The following CEP112 variants were observed in gnomAD, a reference collection of about 807,000 sequenced individuals.
The protein encoded by CEP112 is centrosomal protein of 112 kDa.
Under a neutral mutation model 153.0 loss-of-function variants are expected in CEP112, and 127 were observed. The observed-to-expected ratio is 0.83, with a 90% CI of 0.72 to 0.96. CEP112 has a LOEUF of 0.96. Among genes scored for constraint, CEP112 ranks in the 40% least tolerant of loss-of-function variants. The pLI, the probability that CEP112 is intolerant of heterozygous loss-of-function variation, is 0.00. For synonymous variants in CEP112, 358 were observed against 374.4 expected, an observed-to-expected ratio of 0.96 and a Z score of 0.51; for missense variants, 1,089 against 1,101.2, an observed-to-expected ratio of 0.99 and a Z score of 0.16.
At chr17:66,156,318 A>G (rs1426425084) in intron 4 of CEP112, among the ~76,000 whole-genome samples, 1 of 152,200 alleles carries the variant, frequency 6.6e-6, no homozygotes, top group Admixed American at 6.5e-5. Context: ...ACTAACAAAT[A>G]GAAAGGAATA....
At chr17:65,948,772 A>C (rs1267205011) in intron 18 of CEP112, among the ~76,000 whole-genome samples, 1 of 151,952 alleles carries the variant, frequency 6.6e-6, no homozygotes, top group Non-Finnish European at 1.5e-5. Context: ...AGTGTGCAGC[A>C]ATTTTTTAAA....
chr17:66,028,257 G>T, intron 15 of CEP112, 56 bp downstream of exon 15: 1 of 1,093,950 alleles, frequency 9.1e-7, no homozygotes, highest in Admixed American at 1.9e-5. Context: ...TGATACATCT[G>T]AATCAAGAAA....
chr17:66,130,938 A>T (rs1294022086), intron 5 of CEP112, among the ~76,000 whole-genome samples: 1 of 152,182 alleles, frequency 6.6e-6, no homozygotes, highest in African/African-American at 2.4e-5. Context: ...CTGTACCCAG[A>T]AATTGACAAT....
chr17:66,004,693 A>G (rs1331463483), intron 17 of CEP112, among the ~76,000 whole-genome samples: 1 of 152,234 alleles, frequency 6.6e-6, no homozygotes, highest in African/African-American at 2.4e-5. Context: ...GAACTGAGCC[A>G]ATATATTTTA....
At chr17:65,981,500 A>C (rs750274896) in intron 17 of CEP112, among the ~76,000 whole-genome samples, 26 of 152,222 alleles carry the variant, frequency 1.7e-4, no homozygotes, top group Non-Finnish European at 3.1e-4. Flanking sequence ...GCTTAAGTCC[A>C]AAGTGAACCT....
chr17:66,019,795 A>G (rs2064927499), intron 16 of CEP112, among the ~76,000 whole-genome samples: 1 of 152,234 alleles, frequency 6.6e-6, no homozygotes, highest in South Asian at 2.1e-4. Flanking sequence ...GAAGTGAAAT[A>G]GAATAGGAAT....
At chr17:65,900,930 G>C (rs2059824828) in intron 20 of CEP112, among the ~76,000 whole-genome samples, 1 of 152,120 alleles carries the variant, frequency 6.6e-6, no homozygotes, top group Non-Finnish European at 1.5e-5. Flanking sequence ...GAAAATAATT[G>C]TACTGTAAAT....
chr17:66,058,974 G>A (rs1186988124), intron 11 of CEP112, among the ~76,000 whole-genome samples: 8 of 152,022 alleles, frequency 5.3e-5, no homozygotes, highest in Non-Finnish European at 1.0e-4. Context: ...CACATAGACC[G>A]ATGAAACAGA....
rs558685333 is a variant in CEP112, at chr17:65,950,997, C to T, written c.1872+10466G>A. ...TTTTCAGCCTTTATCAAGACAATCA[C>T]GTGATTTTTTCCCTTATTCTATTAA... On this transcript the variant is annotated intron_variant, in intron 18 of 26. Transcript: ENST00000535342. 5.9e-4 allele frequency among the ~76,000 whole-genome samples: 90 copies of T among 152,122 alleles called. 4 individuals carry two copies. In the South Asian group the frequency reaches 0.017, roughly 28 times the overall value.
intron 21 of CEP112, among the ~76,000 whole-genome samples, chr17:65,815,142 GT>G (rs1274782156): frequency 6.6e-6 from 1 of 151,986 alleles, no homozygotes; most frequent in East Asian, 1.9e-4. Context: ...TCTTCCAAGG[GT>G]TTTATACTTG....
At chr17:65,797,527 A>G (rs1357194658) in intron 21 of CEP112, among the ~76,000 whole-genome samples, 1 of 152,204 alleles carries the variant, frequency 6.6e-6, no homozygotes, top group Non-Finnish European at 1.5e-5. Flanking sequence ...CTGCAAATTC[A>G]GCTTATGATT....
intron 24 of CEP112, among the ~76,000 whole-genome samples, chr17:65,686,374 C>G (rs2047792966): frequency 6.6e-6 from 1 of 152,082 alleles, no homozygotes; most frequent in Non-Finnish European, 1.5e-5. Flanking sequence ...GTTCCTGAAT[C>G]CTTCTCTATT....
intron 24 of CEP112, among the ~76,000 whole-genome samples, chr17:65,650,260 G>A (rs999614328): frequency 3.3e-5 from 5 of 152,168 alleles, no homozygotes; most frequent in Admixed American, 1.3e-4. Context: ...TGCAGATCTA[G>A]GCACCCAGGG....
intron 6 of CEP112, among the ~76,000 whole-genome samples, chr17:66,126,412 A>C (rs1476029965): frequency 6.6e-6 from 1 of 152,166 alleles, no homozygotes; most frequent in African/African-American, 2.4e-5. Context: ...ATGATCCACG[A>C]GTCACTAAAG....
At chr17:66,182,523 C>A (rs2072761913) in intron 2 of CEP112, 1 of 152,220 alleles carries the variant, frequency 6.6e-6, no homozygotes, top group African/African-American at 2.4e-5. Context: ...CCACTCCAAA[C>A]CTACCACTCA....
At chr17:66,008,455 G>A (rs1451827843) in intron 16 of CEP112, among the ~76,000 whole-genome samples, 1 of 151,986 alleles carries the variant, frequency 6.6e-6, no homozygotes, top group African/African-American at 2.4e-5. Flanking sequence ...CTGAACTCAA[G>A]TGATCCCCCC....
At chr17:66,018,236 A>T (rs2064853839) in intron 16 of CEP112, among the ~76,000 whole-genome samples, 1 of 152,214 alleles carries the variant, frequency 6.6e-6, no homozygotes, top group South Asian at 2.1e-4. Flanking sequence ...ATATTTTCAA[A>T]CATGAGAATT....
chr17:66,110,150 C>T (rs1324703265), intron 6 of CEP112, among the ~76,000 whole-genome samples: 2 of 152,024 alleles, frequency 1.3e-5, no homozygotes, highest in East Asian at 3.9e-4. Context: ...ACGAGCAAGA[C>T]TCCGTCTCAA....
chr17:65,877,649 C>T (rs1436258269), intron 20 of CEP112, among the ~76,000 whole-genome samples: 1 of 151,762 alleles, frequency 6.6e-6, no homozygotes, highest in Non-Finnish European at 1.5e-5. Context: ...CTTTGTAACA[C>T]TATGTAACAC....
Sources: allele counts gnomAD v4.1 joint callset (sites outside exome capture counted in the v4.1 genomes callset), GRCh38; gene constraint gnomAD v4.1.1; transcripts MANE v1.5; gene names NCBI Gene and HGNC (gene_info 2026-07-23, HGNC 2026-07-21).